PTPRC: variants seen among roughly 807,000 people sequenced by gnomAD.
The protein encoded by PTPRC is receptor-type tyrosine-protein phosphatase C.
PTPRC carries 44 observed loss-of-function variants against 155.9 expected under a neutral mutation model. The ratio of observed to expected loss-of-function variants is 0.28; its 90% CI spans 0.22 to 0.36. The LOEUF is 0.36. PTPRC is among the 10% of genes least tolerant of loss of function. The pLI is 1.00. For missense variants in PTPRC, 1,401 were observed against 1,564.6 expected (o/e 0.90, Z 1.76); for synonymous variants, 525 against 533.1 (o/e 0.98, Z 0.21).
At chr1:198,654,127 T>C (rs1663406570) in intron 2 of PTPRC, among the ~76,000 whole-genome samples, 1 of 151,844 alleles carries the variant, frequency 6.6e-6, no homozygotes, top group African/African-American at 2.4e-5. Context: ...GTGGCTTTAT[T>C]TAATTAAATG....
chr1:198,669,695 T>C (rs2102287355), intron 2 of PTPRC, among the ~76,000 whole-genome samples: 1 of 152,114 alleles, frequency 6.6e-6, no homozygotes, highest in South Asian at 2.1e-4. Context: ...ACCCCTTCTT[T>C]CCCCCAAAGA....
At position 198,748,106 on chromosome 1, in the gene PTPRC, C is replaced by G; in HGVS notation, c.2848-3C>G. On this transcript the variant is annotated splice_polypyrimidine_tract_variant and splice_region_variant and intron_variant, in intron 26 of 32. Coordinates refer to ENST00000442510, the MANE Select transcript of PTPRC (RefSeq NM_002838.5). The stretch of plus-strand genomic sequence containing the variant: ...GTTTTTCTGTTTTTTTTTTTTTTTT[C>G]AGAGACTTCCTTCATATAGGAGCTG... 2 of 934,394 alleles carry G rather than the reference C, an allele frequency of 2.1e-6. No individual in the cohort carries two copies. The highest frequency in any genetic ancestry group is 2.9e-6 in the Non-Finnish European group (2 of 689,800). The allele number at this position is 934,394 out of a possible 1,614,324, so 57.9% of individuals were successfully genotyped here.
intron 15 of PTPRC, 141 bp from the exon 16 acceptor site, chr1:198,728,199 C>T (rs1321906679): frequency 4.8e-6 from 3 of 625,148 alleles, no homozygotes; most frequent in Non-Finnish European, 7.7e-6. Flanking sequence ...TGTATTTGAC[C>T]TTATTCTAAA....
In PTPRC at chr1:198,711,068, C is replaced by T. The variant is rs143968759; in HGVS notation, c.1171+1244C>T. On this transcript the variant is annotated intron_variant, in intron 11 of 32. Transcript: ENST00000442510. Reference sequence around the variant, plus strand: ...ATCAATCTCCTGACCTCATGATCCGCCCACCTTGGCCTCCCAAAGTGCTGG... The same window carrying T: ...ATCAATCTCCTGACCTCATGATCCGTCCACCTTGGCCTCCCAAAGTGCTGG... 3.0e-3 allele frequency among the ~76,000 whole-genome samples: 451 copies of T among 152,224 alleles called. 1 individual carries two copies. The highest frequency in any genetic ancestry group is 0.01 in the African/African-American group (434 of 41,522).
At chr1:198,749,330 T>C (rs1655275563) in intron 27 of PTPRC, 86 bp from the exon 28 acceptor site, 1 of 1,362,108 alleles carries the variant, frequency 7.3e-7, no homozygotes, top group African/African-American at 1.5e-5. Context: ...TCTGTCCCTT[T>C]TTAAATACTT....
chr1:198,664,063 A>T (rs527898851), intron 2 of PTPRC, among the ~76,000 whole-genome samples: 1 of 152,238 alleles, frequency 6.6e-6, no homozygotes, highest in South Asian at 2.1e-4. Context: ...GGGGGTGAAG[A>T]GAATGATAAA....
At chr1:198,660,136 C>T (rs1663875237) in intron 2 of PTPRC, among the ~76,000 whole-genome samples, 1 of 146,790 alleles carries the variant, frequency 6.8e-6, no homozygotes, top group African/African-American at 2.5e-5. Context: ...CATTTTCAGT[C>T]TCTTCATATA....
chr1:198,698,607 A>G (rs1666320226), intron 4 of PTPRC, among the ~76,000 whole-genome samples: 1 of 152,038 alleles, frequency 6.6e-6, no homozygotes, highest in South Asian at 2.1e-4. Context: ...CATGTGCATA[A>G]CATTAAATTT....
chr1:198,702,457 C>T lies in PTPRC; in HGVS notation c.510C>T (p.Leu170=), dbSNP rs1162105484. 2 of 1,614,216 alleles carry T rather than the reference C, an allele frequency of 1.2e-6. No homozygotes were observed. The highest frequency in any genetic ancestry group is 8.5e-7 in the Non-Finnish European group (1 of 1,180,036). The change falls in exon 6 of 33, where the codon CTC becomes CTT. Residue 170 remains leucine (L), a synonymous_variant. Transcript: ENST00000442510. ...CAGTTTCCCCATTGACAACCACCCT[C>T]AGCCTTGCACACCACAGCTCTGCTG... ...TDPVSPLTTT[L]SLAHHSSAAL...
At chr1:198,736,255 G>A (rs940074810) in intron 23 of PTPRC, among the ~76,000 whole-genome samples, 1 of 151,530 alleles carries the variant, frequency 6.6e-6, no homozygotes, top group African/African-American at 2.4e-5. Flanking sequence ...TAGTCACCCT[G>A]TTGTGCTATC....
chr1:198,691,495 A>G (rs1344982407), intron 2 of PTPRC, among the ~76,000 whole-genome samples: 5 of 151,918 alleles, frequency 3.3e-5, no homozygotes, highest in African/African-American at 1.2e-4. Flanking sequence ...TACTCTTCCT[A>G]CGTAGGACAT....
At chr1:198,645,132 G>A (rs1367628294) in intron 2 of PTPRC, among the ~76,000 whole-genome samples, 3 of 151,740 alleles carry the variant, frequency 2.0e-5, no homozygotes, top group Admixed American at 1.3e-4. Flanking sequence ...ACACTCATAC[G>A]TATTAGGATA....
intron 20 of PTPRC, among the ~76,000 whole-genome samples, chr1:198,732,833 T>C (rs1467505585): frequency 6.6e-6 from 1 of 151,880 alleles, no homozygotes; most frequent in Non-Finnish European, 1.5e-5. Context: ...AGACTAAATA[T>C]TCTATGCATA....
intron 23 of PTPRC, among the ~76,000 whole-genome samples, chr1:198,738,695 C>T (rs1379567780): frequency 6.6e-6 from 1 of 151,550 alleles, no homozygotes; most frequent in East Asian, 1.9e-4. Flanking sequence ...CTTTCTCTTC[C>T]ATTTTTTGGA....
chr1:198,696,868 C>T lies in PTPRC; in HGVS notation c.257C>T (p.Ser86Phe). 7 of 1,614,078 alleles carry T rather than the reference C, an allele frequency of 4.3e-6. No individual in the cohort carries two copies. The highest frequency in any genetic ancestry group is 5.9e-6 in the Non-Finnish European group (7 of 1,179,958). ...CCAGACAATACTTCCACCCAAGTAT[C>T]CCCGGACTCTTTGGATAATGCTAGT... The part of the protein sequence containing the change: ...LSPDNTSTQV[S>F]PDSLDNASAF... Residue 86 changes from serine to phenylalanine, a missense_variant, in exon 4 of 33, where the codon TCC (serine) becomes TTC (phenylalanine). By Grantham distance (155) the Ser-to-Phe change is radical. Around this residue, in one of 3 missense-constraint regions of PTPRC, gnomAD observed 867 missense variants for 970.4 expected, o/e 0.89. Transcript: ENST00000442510.
chr1:198,646,133 C>A (rs528180232), intron 2 of PTPRC, among the ~76,000 whole-genome samples: 28 of 151,826 alleles, frequency 1.8e-4, no homozygotes, highest in African/African-American at 6.5e-4. Context: ...AGGAAAAAAA[C>A]TCCATTAGAC....
At chr1:198,750,018 T>G (rs1036447427) in intron 28 of PTPRC, among the ~76,000 whole-genome samples, 1 of 147,582 alleles carries the variant, frequency 6.8e-6, no homozygotes, top group African/African-American at 2.6e-5. Context: ...CTTTAGTCAT[T>G]TATTAAATAT....
chr1:198,671,953 C>A (rs1248257451), intron 2 of PTPRC, among the ~76,000 whole-genome samples: 1 of 152,178 alleles, frequency 6.6e-6, no homozygotes, highest in Non-Finnish European at 1.5e-5. Flanking sequence ...TCATCCATAT[C>A]TCTGCATTTT....
At chr1:198,664,878 T>C (rs576156811) in intron 2 of PTPRC, among the ~76,000 whole-genome samples, 7 of 152,310 alleles carry the variant, frequency 4.6e-5, no homozygotes, top group African/African-American at 1.7e-4. Flanking sequence ...TCTCTTTCTT[T>C]TTGACTTTGT....
Sources: allele counts gnomAD v4.1 joint callset (sites outside exome capture counted in the v4.1 genomes callset), GRCh38; gene constraint gnomAD v4.1.1; regional missense constraint gnomAD v4.1.1; transcripts MANE v1.5; gene names NCBI Gene and HGNC (gene_info 2026-07-23, HGNC 2026-07-21).